The following DYNC1I2 variants were observed in gnomAD, a reference collection of about 807,000 sequenced individuals.
DYNC1I2 encodes the protein cytoplasmic dynein 1 intermediate chain 2.
Under a neutral mutation model 88.6 loss-of-function variants are expected in DYNC1I2, and 53 were observed. The ratio of observed to expected loss-of-function variants is 0.60; its 90% CI spans 0.48 to 0.75. The LOEUF is 0.75. Among genes scored for constraint, DYNC1I2 ranks in the 30% least tolerant of loss-of-function variants. The pLI, the probability that DYNC1I2 is intolerant of heterozygous loss-of-function variation, is 0.00. For missense variants in DYNC1I2, 458 were observed against 766.6 expected (o/e 0.60, Z 4.75); for synonymous variants, 198 against 254.6 (o/e 0.78, Z 2.12).
At chr2:171,693,085 G>T (rs1049951813) in intron 3 of DYNC1I2, 191 bp downstream of exon 3, 2 of 544,892 alleles carry the variant, frequency 3.7e-6, no homozygotes, top group African/African-American at 1.9e-5. Flanking sequence ...CAAAAGAGCT[G>T]CAAGAGTAAT....
intron 3 of DYNC1I2, among the ~76,000 whole-genome samples, chr2:171,700,577 T>G (rs992046190): frequency 6.6e-6 from 1 of 152,208 alleles, no homozygotes; most frequent in Non-Finnish European, 1.5e-5. Context: ...GACTAAAGAC[T>G]GGCTTGTTTA....
chr2:171,692,867 A>C lies in DYNC1I2; in HGVS notation c.199A>C (p.Met67Leu). 6.2e-7 allele frequency: 1 copy of C among 1,604,698 alleles called. No individual in the cohort carries two copies. Among genetic ancestry groups the C allele is most frequent in the Non-Finnish European group, 8.5e-7 (1 of 1,175,270 alleles). Residue 67 changes from methionine to leucine, a missense_variant, in exon 3 of 18, where the codon ATG (methionine) becomes CTG (leucine). Met to Leu is a conservative substitution (Grantham distance 15). Transcript: ENST00000397119. ...RREAEALLQS[M>L]GLTPESPIVF... is the part of the protein sequence containing the mutation. The stretch of plus-strand genomic sequence containing the variant: ...AGAAGCTGAAGCATTGCTTCAAAGC[A>C]TGGGGCTAACTCCAGAATCCCCCAT...
At chr2:171,728,220 TAAAC>T in intron 12 of DYNC1I2, 81 bp from the exon 13 acceptor site, 1 of 832,438 alleles carries the variant, frequency 1.2e-6, no homozygotes, top group Non-Finnish European at 1.8e-6. Context: ...GACTCGATAA[TAAAC>T]AGAATGCTTA....
At chr2:171,699,637 G>A (rs567617679) in intron 3 of DYNC1I2, among the ~76,000 whole-genome samples, 2 of 122,882 alleles carry the variant, frequency 1.6e-5, no homozygotes, top group African/African-American at 3.2e-5. Flanking sequence ...TGTGTGTGGC[G>A]GCGGGCGGGG....
chr2:171,689,217 C>A (rs1024233991), intron 1 of DYNC1I2, among the ~76,000 whole-genome samples: 6 of 152,160 alleles, frequency 3.9e-5, no homozygotes, highest in African/African-American at 1.4e-4. Flanking sequence ...AAGTACATTA[C>A]AATCTAATAG....
intron 3 of DYNC1I2, among the ~76,000 whole-genome samples, chr2:171,696,112 T>C (rs528780953): frequency 2.6e-5 from 4 of 152,350 alleles, no homozygotes; most frequent in African/African-American, 9.6e-5. Flanking sequence ...GGAGGACTTT[T>C]GTCTGTTTTA....
rs1338975078 is a variant in DYNC1I2, at chr2:171,727,981, G to A, written c.1143+14G>A. 1.9e-6 allele frequency: 3 copies of A among 1,609,566 alleles called. No individual in the cohort carries two copies. The highest frequency in any genetic ancestry group is 2.5e-6 in the Non-Finnish European group (3 of 1,177,862). On this transcript the variant is annotated intron_variant, in intron 12 of 17. Coordinates refer to ENST00000397119, the MANE Select transcript of DYNC1I2 (RefSeq NM_001378.3). ...GCTGCACACACAGTAAGTAAATAAG[G>A]TTATTTCCATTAGGCTTCTGTGCTC...
intron 14 of DYNC1I2, among the ~76,000 whole-genome samples, chr2:171,729,245 T>G (rs1321483530): frequency 1.3e-5 from 2 of 152,200 alleles, no homozygotes; most frequent in Non-Finnish European, 2.9e-5. Context: ...TACAGTAATG[T>G]CACATACATA....
chr2:171,706,605 G>A (rs748812725), intron 4 of DYNC1I2, 41 bp downstream of exon 4: 23 of 1,586,746 alleles, frequency 1.4e-5, no homozygotes, highest in Non-Finnish European at 2.0e-5. Flanking sequence ...TTATTTGCAT[G>A]CATCACTTTA....
intron 3 of DYNC1I2, among the ~76,000 whole-genome samples, chr2:171,701,249 G>C (rs1213578594): frequency 6.6e-6 from 1 of 152,006 alleles, no homozygotes; most frequent in Non-Finnish European, 1.5e-5. Context: ...GCAGTGGCAC[G>C]ATCTCCACCT....
intron 5 of DYNC1I2, among the ~76,000 whole-genome samples, chr2:171,709,237 A>G (rs537515110): frequency 1.3e-5 from 2 of 152,330 alleles, no homozygotes; most frequent in Admixed American, 6.5e-5. Context: ...TTTGCTTTCA[A>G]AAGTACTTTG....
intron 17 of DYNC1I2, among the ~76,000 whole-genome samples, chr2:171,747,019 C>A (rs1021223529): frequency 6.6e-6 from 1 of 151,694 alleles, no homozygotes; most frequent in South Asian, 2.1e-4. Flanking sequence ...CATGGCAAAA[C>A]CCCATCTCTA....
intron 5 of DYNC1I2, 35 bp from the exon 6 acceptor site, chr2:171,712,732 T>G: frequency 6.4e-7 from 1 of 1,558,214 alleles, no homozygotes; most frequent in Non-Finnish European, 8.8e-7. Context: ...TGGCCTTTTT[T>G]GCTAATGCTT....
chr2:171,728,076 TG>T, intron 12 of DYNC1I2, 109 bp downstream of exon 12: 1 of 1,314,524 alleles, frequency 7.6e-7, no homozygotes, highest in Non-Finnish European at 1.0e-6. Context: ...CTTTGGTGTA[TG>T]AATTCCTCAC....
Position 171,746,864 on chromosome 2 carries a change from G to T in DYNC1I2, c.1804-912G>T, listed in dbSNP as rs575542411. 3.3e-5 allele frequency among the ~76,000 whole-genome samples: 5 copies of T among 152,208 alleles called. No homozygotes were observed. In the East Asian group the frequency reaches 9.7e-4, roughly 29 times the overall value. ...TTTGTGCCCTAACATGACAGTGTCA[G>T]ACTCCTATGATATTATAATGGCAGT... is the stretch of plus-strand genomic sequence containing the variant. On this transcript the variant is annotated intron_variant, in intron 17 of 17. Transcript: ENST00000397119.
At chr2:171,710,699 CTTTTTTTTTTTTTTCT>C (rs1687054681) in intron 5 of DYNC1I2, among the ~76,000 whole-genome samples, 1 of 138,980 alleles carries the variant, frequency 7.2e-6, no homozygotes, top group African/African-American at 2.6e-5. Flanking sequence ...TCCTTTTTTC[CTTTTTTTTTTTTTTCT>C]TTTTTGAGTC....
Position 171,707,374 on chromosome 2 carries a change from C to G in DYNC1I2, c.332C>G (p.Ser111Cys), listed in dbSNP as rs745438338. 2 of 1,609,440 alleles carry G rather than the reference C, an allele frequency of 1.2e-6. No individual in the cohort carries two copies. Among genetic ancestry groups the G allele is most frequent in the Non-Finnish European group, 1.7e-6 (2 of 1,178,624 alleles). ...GACTCTGGAGATGGCGCCGTGGGATCTAGGTACAGTAATTTTCCTTTTAAT... is the reference window on the plus strand; with the variant it reads ...GACTCTGGAGATGGCGCCGTGGGATGTAGGTACAGTAATTTTCCTTTTAAT... ...SQDSGDGAVG[S>C]RTLHWDTDPS... The change falls in exon 5 of 18, where the codon TCT becomes TGT. Residue 111 changes from serine to cysteine, a missense_variant. Physicochemically the swap from Ser to Cys is moderately radical, Grantham distance 112. Transcript: ENST00000397119.
At chr2:171,709,590 G>A (rs1395631326) in intron 5 of DYNC1I2, among the ~76,000 whole-genome samples, 2 of 152,074 alleles carry the variant, frequency 1.3e-5, no homozygotes, top group African/African-American at 2.4e-5. Context: ...ATGATAAATT[G>A]TAAAACACAA....
At chr2:171,690,999 A>G (rs922914989) in intron 2 of DYNC1I2, among the ~76,000 whole-genome samples, 2 of 152,184 alleles carry the variant, frequency 1.3e-5, no homozygotes, top group Non-Finnish European at 2.9e-5. Context: ...GTGTATATAT[A>G]TCATAACTTA....
Sources: allele counts gnomAD v4.1 joint callset (sites outside exome capture counted in the v4.1 genomes callset), GRCh38; gene constraint gnomAD v4.1.1; transcripts MANE v1.5; gene names NCBI Gene and HGNC (gene_info 2026-07-23, HGNC 2026-07-21).